Variants in AIG1 observed in about 807,000 individuals in gnomAD.
AIG1 encodes the protein androgen induced 1, also known as androgen-induced gene 1 protein.
A neutral mutation model predicts 31.4 loss-of-function variants in AIG1; 23 were observed. The ratio of observed to expected loss-of-function variants is 0.73; its 90% CI spans 0.53 to 1.04. The LOEUF (loss-of-function observed/expected upper bound fraction) is 1.04, where lower values mean the gene tolerates loss of function less well. AIG1 is among the 50% of genes least tolerant of loss of function. The probability of loss-of-function intolerance (pLI) is 0.00; values close to 1 mark genes in which losing one functional copy is unlikely to be tolerated. For missense variants in AIG1, 274 were observed against 295.0 expected, an observed-to-expected ratio of 0.93 and a Z score of 0.52; for synonymous variants, 100 against 110.5, an observed-to-expected ratio of 0.90 and a Z score of 0.60.
At chr6:143,129,758 T>C (rs1452708434) in intron 1 of AIG1, among the ~76,000 whole-genome samples, 2 of 152,106 alleles carry the variant, frequency 1.3e-5, no homozygotes, top group Non-Finnish European at 2.9e-5. Context: ...AAATTACTTA[T>C]TTATACAAAA....
chr6:143,236,321 C>T (rs1395892268), intron 3 of AIG1, among the ~76,000 whole-genome samples: 1 of 152,202 alleles, frequency 6.6e-6, no homozygotes, highest in African/African-American at 2.4e-5. Flanking sequence ...GCAGATGCCT[C>T]ATTCGGACTC....
chr6:143,146,960 G>A lies in AIG1; in HGVS notation c.297+9970G>A, dbSNP rs555222897. On this transcript the variant is annotated intron_variant, in intron 2 of 5. Coordinates refer to ENST00000357847, the MANE Select transcript of AIG1 (RefSeq NM_016108.4). ...TTGGGAAGGTGACGCAGAAAATCAG[G>A]TGGGAAGGTGGGAAGATGAGGAGAG... 8.1e-4 allele frequency among the ~76,000 whole-genome samples: 124 copies of A among 152,266 alleles called. 2 individuals carry two copies. The highest frequency in any genetic ancestry group is 2.9e-3 in the African/African-American group (119 of 41,550).
At chr6:143,198,826 C>T (rs962386074) in intron 3 of AIG1, among the ~76,000 whole-genome samples, 7 of 152,170 alleles carry the variant, frequency 4.6e-5, no homozygotes, top group Admixed American at 6.5e-5. Context: ...GTTGCACGGA[C>T]ATCTAACTGC....
At chr6:143,188,963 AAAG>A in intron 3 of AIG1, 1 of 984,698 alleles carries the variant, frequency 1.0e-6, no homozygotes, top group Non-Finnish European at 1.2e-6. Flanking sequence ...TGTAGTTAAA[AAAG>A]TAAGCCATGC....
chr6:143,221,831 C>T (rs1157756182), intron 3 of AIG1, among the ~76,000 whole-genome samples: 2 of 152,178 alleles, frequency 1.3e-5, no homozygotes, highest in African/African-American at 4.8e-5. Context: ...GTTGTGATTA[C>T]TGTATTTCTT....
intron 3 of AIG1, among the ~76,000 whole-genome samples, chr6:143,203,842 G>A (rs771284479): frequency 3.9e-5 from 6 of 152,162 alleles, no homozygotes; most frequent in South Asian, 2.1e-4. Context: ...AGCCTTTTAC[G>A]TCTCTTCCAA....
chr6:143,130,487 C>A (rs866491582), intron 1 of AIG1, among the ~76,000 whole-genome samples: 1 of 151,758 alleles, frequency 6.6e-6, no homozygotes, highest in Admixed American at 6.6e-5. Flanking sequence ...GAGGCTGAGG[C>A]GGGTAGATCA....
At chr6:143,242,846 A>C (rs1347421577) in intron 3 of AIG1, among the ~76,000 whole-genome samples, 1 of 152,226 alleles carries the variant, frequency 6.6e-6, no homozygotes, top group African/African-American at 2.4e-5. Context: ...CAGGAAGTGC[A>C]TGCGACATCA....
intron 3 of AIG1, among the ~76,000 whole-genome samples, chr6:143,172,549 T>A (rs1787740002): frequency 6.6e-6 from 1 of 152,180 alleles, no homozygotes. Context: ...TGCCCTTTCC[T>A]GGTTTTGGTA....
chr6:143,242,108 A>G (rs1794283854), intron 3 of AIG1, among the ~76,000 whole-genome samples: 1 of 152,008 alleles, frequency 6.6e-6, no homozygotes, highest in Admixed American at 6.5e-5. Flanking sequence ...ATAAAGAGGA[A>G]AAGCAGTAGG....
intron 4 of AIG1, among the ~76,000 whole-genome samples, chr6:143,319,749 A>T (rs1232120167): frequency 6.6e-6 from 1 of 152,182 alleles, no homozygotes; most frequent in East Asian, 1.9e-4. Flanking sequence ...GACTCAAATA[A>T]ATAAAATCAG....
At chr6:143,176,335 A>C (rs987618293) in intron 3 of AIG1, among the ~76,000 whole-genome samples, 1 of 152,044 alleles carries the variant, frequency 6.6e-6, no homozygotes, top group Non-Finnish European at 1.5e-5. Context: ...TATAGGGAGG[A>C]TATAAACTTA....
chr6:143,117,946 A>G (rs1194567811), intron 1 of AIG1, among the ~76,000 whole-genome samples: 2 of 152,154 alleles, frequency 1.3e-5, no homozygotes. Context: ...CCTATCAGGG[A>G]TTGGATTGAT....
At chr6:143,082,987 A>T (rs1180226879) in intron 1 of AIG1, among the ~76,000 whole-genome samples, 1 of 152,186 alleles carries the variant, frequency 6.6e-6, no homozygotes, top group African/African-American at 2.4e-5. Context: ...CTATTTTGCC[A>T]TACCTGTTAA....
chr6:143,142,350 G>A (rs1384310566), intron 2 of AIG1, among the ~76,000 whole-genome samples: 1 of 152,144 alleles, frequency 6.6e-6, no homozygotes, highest in African/African-American at 2.4e-5. Context: ...CCAGATTACA[G>A]GGACAAGCTA....
rs1052524422 is a variant in AIG1 at position 143,279,391 on chromosome 6, G to A, written c.400-4719G>A. ...ACCTGCGGGTCTGAGAGTGAGGAAG[G>A]ACAAAATCAGAACTAGATCTCAGAT... On this transcript the variant is annotated intron_variant, in intron 3 of 5. Coordinates refer to ENST00000357847, the MANE Select transcript of AIG1 (RefSeq NM_016108.4). This position sits in a 1 kb window ranked among gnomAD's most constrained non-coding sequence, Gnocchi z 5.4. 6.6e-6 allele frequency among the ~76,000 whole-genome samples: 1 copy of A among 152,138 alleles called. No individual in the cohort carries two copies. Among genetic ancestry groups the A allele is most frequent in the African/African-American group, 2.4e-5 (1 of 41,414 alleles).
At chr6:143,239,327 T>C (rs890078366) in intron 3 of AIG1, among the ~76,000 whole-genome samples, 1 of 152,198 alleles carries the variant, frequency 6.6e-6, no homozygotes, top group African/African-American at 2.4e-5. Context: ...CCTCTGAATA[T>C]TTCTGAGCAG....
chr6:143,160,383 A>G (rs1786236996), intron 2 of AIG1, among the ~76,000 whole-genome samples: 1 of 152,198 alleles, frequency 6.6e-6, no homozygotes. Flanking sequence ...GCAAACTGTA[A>G]ATCCAGTTTT....
intron 3 of AIG1, among the ~76,000 whole-genome samples, chr6:143,265,215 C>A (rs1042854380): frequency 6.6e-6 from 1 of 151,786 alleles, no homozygotes; most frequent in Non-Finnish European, 1.5e-5. Flanking sequence ...GAAAAACCTA[C>A]AAACAAAAGC....
Sources: allele counts gnomAD v4.1 joint callset (sites outside exome capture counted in the v4.1 genomes callset), GRCh38; gene constraint gnomAD v4.1.1; non-coding constraint Gnocchi (gnomAD v3.1); transcripts MANE v1.5; gene names NCBI Gene and HGNC (gene_info 2026-07-23, HGNC 2026-07-21).